GNB1L: variants seen among roughly 807,000 people sequenced by gnomAD.
GNB1L encodes G protein subunit beta 1 like.
In GNB1L, 20 loss-of-function variants were observed where a neutral mutation model predicts 29.1. The observed-to-expected ratio is 0.69, with a 90% CI of 0.48 to 1.00. The LOEUF is 1.00. Among genes scored for constraint, GNB1L ranks in the 50% least tolerant of loss-of-function variants. The probability of loss-of-function intolerance (pLI) is 0.00; values close to 1 mark genes in which losing one functional copy is unlikely to be tolerated. For missense variants in GNB1L, 421 were observed against 464.9 expected (o/e 0.91, Z 0.87); for synonymous variants, 193 against 206.5 (o/e 0.93, Z 0.56).
intron 7 of GNB1L, 131 bp downstream of exon 7, chr22:19,801,870 T>A: frequency 1.3e-6 from 1 of 775,428 alleles, no homozygotes; most frequent in Non-Finnish European, 2.0e-6. Flanking sequence ...ACAGCCCCCC[T>A]GCACCCGCCT....
At chr22:19,847,702 A>T (rs1236986494) in intron 2 of GNB1L, 1 of 983,620 alleles carries the variant, frequency 1.0e-6, no homozygotes, top group Non-Finnish European at 1.2e-6. Context: ...ACGTGGTCAA[A>T]TTATATTATT....
Position 19,788,288 on chromosome 22 carries a change from G to C in GNB1L, c.*421C>G. 5 of 473,404 alleles carry C rather than the reference G, an allele frequency of 1.1e-5. No individual in the cohort carries two copies. The highest frequency in any genetic ancestry group is 5.7e-4 in the Middle Eastern group (1 of 1,760). 29.3% of individuals were successfully genotyped at this position (473,404 alleles called of 1,614,324 possible). ...GGCCTGGCCCAGGAAACCCACACTC[G>C]GGGTGGCCCATTCAACAGCAGGTGT... On this transcript the variant is annotated 3_prime_UTR_variant, in exon 8 of 8. Transcript: ENST00000329517.
Position 19,788,922 on chromosome 22 carries a change from G to A in GNB1L, c.771C>T (p.Ala257=), listed in dbSNP as rs773252947. The change falls in exon 8 of 8, where the codon GCC becomes GCT. Residue 257 remains alanine, a synonymous_variant. Coordinates refer to ENST00000329517, the MANE Select transcript of GNB1L (RefSeq NM_053004.3). ...GTHELTNPGI[A]EVTIRPDRKI... ...TGCGATCTGGCCGGATCGTGACCTC[G>A]GCGATCCCGGGATTGGTGAGTTCAT... 4.3e-6 allele frequency: 7 copies of A among 1,610,926 alleles called. No homozygotes were observed. Among genetic ancestry groups the A allele is most frequent in the Admixed American group, 1.7e-5 (1 of 59,920 alleles).
chr22:19,802,160 G>T lies in GNB1L; in HGVS notation c.573C>A (p.Val191=). The T allele has an allele frequency of 6.2e-7, 1 of 1,613,218 alleles. No individual in the cohort carries two copies. Residue 191 remains valine, a synonymous_variant, in exon 7 of 8, where the codon GTC becomes GTA. Coordinates refer to ENST00000329517, the MANE Select transcript of GNB1L (RefSeq NM_053004.3). ...LLAGYEDGSV[V]LWDVSEQKVC... is the part of the protein sequence containing the mutation. Reference sequence around the variant, plus strand: ...CCTTCTGCTCAGAGACGTCCCACAGGACCACCGATCCATCCTCATAGCCGG... The same window carrying T: ...CCTTCTGCTCAGAGACGTCCCACAGTACCACCGATCCATCCTCATAGCCGG...
chr22:19,828,734 A>G (rs1019689672), intron 2 of GNB1L, among the ~76,000 whole-genome samples: 2 of 151,594 alleles, frequency 1.3e-5, no homozygotes, highest in Non-Finnish European at 2.9e-5. Context: ...TATGCACTAT[A>G]TAACAGAGAT....
chr22:19,802,050 G>C lies in GNB1L; in HGVS notation c.683C>G (p.Ala228Gly). The change falls in exon 7 of 8, where the codon GCG (alanine) becomes GGG (glycine). Residue 228 changes from alanine to glycine, a missense_variant. Coordinates refer to ENST00000329517, the MANE Select transcript of GNB1L (RefSeq NM_053004.3). ...SQKARGISGS[A>G]GKALAVWSLD... is the part of the protein sequence containing the mutation. The stretch of plus-strand genomic sequence containing the variant: ...GCTCCAGACAGCCAGCGCCTTCCCC[G>C]CGGAGCCTGAGATGCCCCTGGCCTT... 1 of 1,611,234 alleles carries C rather than the reference G, an allele frequency of 6.2e-7. No individual in the cohort carries two copies. The highest frequency in any genetic ancestry group is 8.5e-7 in the Non-Finnish European group (1 of 1,179,076).
intron 2 of GNB1L, among the ~76,000 whole-genome samples, chr22:19,822,898 C>A (rs914760825): frequency 3.3e-5 from 5 of 152,208 alleles, no homozygotes; most frequent in African/African-American, 1.2e-4. Context: ...TACACGCCAG[C>A]CCTCTCCTTA....
chr22:19,844,828 C>T (rs934433538), intron 2 of GNB1L, among the ~76,000 whole-genome samples: 8 of 152,212 alleles, frequency 5.3e-5, no homozygotes, highest in Non-Finnish European at 1.0e-4. Context: ...GGTGAACACA[C>T]GGAAAAGCTC....
chr22:19,844,220 A>G (rs990339650), intron 2 of GNB1L, among the ~76,000 whole-genome samples: 1 of 152,100 alleles, frequency 6.6e-6, no homozygotes, highest in African/African-American at 2.4e-5. Context: ...TTTGCTGGGG[A>G]CACGCCCAAA....
chr22:19,829,437 A>G (rs904604187), intron 2 of GNB1L, among the ~76,000 whole-genome samples: 1 of 152,238 alleles, frequency 6.6e-6, no homozygotes, highest in Admixed American at 6.5e-5. Context: ...CTTATCAAAT[A>G]GAAATTTAAA....
At chr22:19,847,945 C>A (rs1169758196) in intron 2 of GNB1L, 2 of 985,084 alleles carry the variant, frequency 2.0e-6, no homozygotes, top group Non-Finnish European at 2.4e-6. Flanking sequence ...AGAGGGCCAA[C>A]TGCTTTTACT....
chr22:19,847,034 T>C lies in GNB1L; in HGVS notation c.-21+7409A>G, dbSNP rs905331597. 1.0e-5 allele frequency: 10 copies of C among 985,286 alleles called. No individual in the cohort carries two copies. In the African/African-American group the frequency reaches 1.6e-4, roughly 15 times the overall value. The allele number at this position is 985,286 out of a possible 1,614,324, so 61.0% of individuals were successfully genotyped here. On this transcript the variant is annotated intron_variant, in intron 2 of 7. Coordinates refer to ENST00000329517, the MANE Select transcript of GNB1L (RefSeq NM_053004.3). ...TCTCCATACTGAGCACCCCAGCCCA[T>C]AGGATGATCAGCTGCTGCCGTCCTA... is the stretch of plus-strand genomic sequence containing the variant.
At chr22:19,848,233 G>T in intron 2 of GNB1L, 5 of 985,350 alleles carry the variant, frequency 5.1e-6, no homozygotes, top group Non-Finnish European at 6.0e-6. Context: ...GTATTTCCAA[G>T]GGAAGTGAAG....
chr22:19,789,083 C>T, intron 7 of GNB1L, 123 bp from the exon 8 acceptor site: 2 of 1,038,354 alleles, frequency 1.9e-6, no homozygotes, highest in Non-Finnish European at 2.8e-6. Context: ...ATGTGAGGGC[C>T]ACACGCTCCT....
chr22:19,822,361 G>A (rs921254131), intron 2 of GNB1L, among the ~76,000 whole-genome samples: 5 of 152,120 alleles, frequency 3.3e-5, no homozygotes, highest in Admixed American at 3.3e-4. Context: ...GAAGACTGCC[G>A]GGCCACCACC....
intron 4 of GNB1L, among the ~76,000 whole-genome samples, chr22:19,818,977 G>T (rs148608050): frequency 6.6e-6 from 1 of 152,144 alleles, no homozygotes; most frequent in Non-Finnish European, 1.5e-5. Context: ...AGCCCCTCAC[G>T]CACCTGCCCC....
Position 19,788,750 on chromosome 22 carries a change from C to T in GNB1L, c.943G>A (p.Asp315Asn). ...ADGLLAAGSK[D>N]QRISLWSLYP... ...AGTGACCAGAGGCTGATCCGCTGAT[C>T]CTTGGAGCCCGCGGCCAGCAAGCCA... The change falls in exon 8 of 8, where the codon GAT (aspartate) becomes AAT (asparagine). Residue 315 changes from aspartate (D) to asparagine (N), a missense_variant. By Grantham distance (23) the Asp-to-Asn change is conservative. Coordinates refer to ENST00000329517, the MANE Select transcript of GNB1L (RefSeq NM_053004.3). The T allele has an allele frequency of 6.2e-7, 1 of 1,611,746 alleles. No homozygotes were observed.
In GNB1L at chr22:19,783,950, A is replaced by G. The variant is rs1937167347; in HGVS notation, c.*4759T>C. 1 of 152,368 alleles carries G rather than the reference A, an allele frequency of 6.6e-6. No homozygotes were observed. The highest frequency in any genetic ancestry group is 6.5e-5 in the Admixed American group (1 of 15,274). 9.4% of individuals were successfully genotyped at this position (152,368 alleles called of 1,614,324 possible). On this transcript the variant is annotated 3_prime_UTR_variant, in exon 8 of 8. Coordinates refer to ENST00000329517, the MANE Select transcript of GNB1L (RefSeq NM_053004.3). ...AAGGCGGGAATGGGGATGCTGGCAA[A>G]TCTGGTATGAAGGTTGAGACCCCGA...
chr22:19,798,170 GGGGCCGTCAAGTCCAGCACCTGCTGCGCA>G (rs994623354), intron 7 of GNB1L, among the ~76,000 whole-genome samples: 5 of 152,296 alleles, frequency 3.3e-5, no homozygotes, highest in Admixed American at 6.5e-5. Context: ...CCTGCTGCGC[GGGGCCGTCAAGTCCAGCACCTGCTGCGCA>G]GGGCCGTGAG....
Sources: gnomAD v4.1 joint callset for allele counts (sites outside exome capture counted in the v4.1 genomes callset) on GRCh38, gnomAD v4.1.1 for gene constraint, MANE v1.5 for transcripts, NCBI Gene and HGNC (gene_info 2026-07-23, HGNC 2026-07-21) for gene names.